Variants in NPFFR2 observed in about 807,000 individuals in gnomAD.
NPFFR2 encodes the protein G-protein coupled receptor 74.
Under a neutral mutation model 13.1 loss-of-function variants are expected in NPFFR2, and 15 were observed. The ratio of observed to expected loss-of-function variants is 1.15; its 90% CI spans 0.77 to 1.76. NPFFR2 has a LOEUF of 1.76. Ranked by LOEUF, NPFFR2 falls within the 40% of genes most tolerant of loss-of-function variation. NPFFR2 has a pLI of 0.00. For synonymous variants in NPFFR2, 190 were observed against 175.7 expected (o/e 1.08, Z -0.65); for missense variants, 572 against 503.5 (o/e 1.14, Z -1.30).
chr4:72,055,982 C>G (rs1719732754), intron 1 of NPFFR2, among the ~76,000 whole-genome samples: 1 of 151,910 alleles, frequency 6.6e-6, no homozygotes, highest in African/African-American at 2.4e-5. Context: ...AAATTCTCTC[C>G]GTGCCATAAA....
At chr4:72,132,368 ATCTACCACATTT>A (rs1280805293) in intron 2 of NPFFR2, among the ~76,000 whole-genome samples, 1 of 152,232 alleles carries the variant, frequency 6.6e-6, no homozygotes, top group Non-Finnish European at 1.5e-5. Flanking sequence ...CATGGTGTAT[ATCTACCACATTT>A]TCTTTATTCA....
intron 1 of NPFFR2, among the ~76,000 whole-genome samples, chr4:72,107,980 C>T (rs1460156333): frequency 2.0e-5 from 3 of 151,786 alleles, no homozygotes; most frequent in African/African-American, 7.3e-5. Context: ...TACCACCATG[C>T]CTTACTAACA....
chr4:72,100,052 A>G (rs1721196081), intron 1 of NPFFR2, among the ~76,000 whole-genome samples: 1 of 152,162 alleles, frequency 6.6e-6, no homozygotes, highest in African/African-American at 2.4e-5. Flanking sequence ...AAAAATTCTG[A>G]CTTCTAACTT....
At chr4:72,058,117 C>A (rs935927928) in intron 1 of NPFFR2, among the ~76,000 whole-genome samples, 2 of 151,874 alleles carry the variant, frequency 1.3e-5, no homozygotes, top group East Asian at 3.9e-4. Flanking sequence ...TGGGTAGAGA[C>A]AGCGTTTTAT....
At chr4:72,109,138 C>T (rs573780625) in intron 1 of NPFFR2, among the ~76,000 whole-genome samples, 1 of 152,044 alleles carries the variant, frequency 6.6e-6, no homozygotes, top group Non-Finnish European at 1.5e-5. Flanking sequence ...ACTAAGAACC[C>T]AATATTCCTT....
Position 72,147,297 on chromosome 4 carries a change from G to T in NPFFR2, c.748G>T (p.Ala250Ser). The T allele has an allele frequency of 6.2e-7, 1 of 1,614,136 alleles. No homozygotes were observed. Among genetic ancestry groups the T allele is most frequent in the Non-Finnish European group, 8.5e-7 (1 of 1,180,028 alleles). Residue 250 changes from alanine to serine, a missense_variant, in exon 4 of 4, where the codon GCA becomes TCA. By Grantham distance (99) the Ala-to-Ser change is moderately conservative. Transcript: ENST00000308744. ...GATTGGAATTTCACTCTTCAGGGCT[G>T]CAGTTCCTCACACAGGCAGGAAGAA... The part of the protein sequence containing the change: ...GRIGISLFRA[A>S]VPHTGRKNQE...
At chr4:72,072,678 T>C (rs910632025) in intron 1 of NPFFR2, among the ~76,000 whole-genome samples, 1 of 152,100 alleles carries the variant, frequency 6.6e-6, no homozygotes. Context: ...TGAAAACTTT[T>C]CAAATATAAT....
At chr4:72,042,889 G>A (rs1719265210) in intron 1 of NPFFR2, among the ~76,000 whole-genome samples, 2 of 152,204 alleles carry the variant, frequency 1.3e-5, no homozygotes, top group African/African-American at 4.8e-5. Context: ...TAAGTAACGA[G>A]GAGCAGAATT....
At chr4:72,123,974 G>T (rs1027046059) in intron 1 of NPFFR2, among the ~76,000 whole-genome samples, 1 of 152,172 alleles carries the variant, frequency 6.6e-6, no homozygotes, top group Admixed American at 6.5e-5. Context: ...AAGTCAAATT[G>T]TTCCTGTTTG....
In NPFFR2 at chr4:72,128,676, G is replaced by A; in HGVS notation, c.85G>A (p.Asp29Asn). The A allele has an allele frequency of 6.2e-7, 1 of 1,613,800 alleles. No individual in the cohort carries two copies. Among genetic ancestry groups the A allele is most frequent in the Non-Finnish European group, 8.5e-7 (1 of 1,179,702 alleles). The change falls in exon 2 of 4, where the codon GAT (aspartate) becomes AAT (asparagine). Residue 29 changes from aspartate (D) to asparagine (N), a missense_variant. Coordinates refer to ENST00000308744, the MANE Select transcript of NPFFR2 (RefSeq NM_004885.3). ...TGACACAAAGCATCATCTGTACTCA[G>A]ATATTAATATTACCTATGTGAACTA... ...VNDTKHHLYS[D>N]INITYVNYYL...
chr4:72,055,682 A>T lies in NPFFR2; in HGVS notation c.-8+23482A>T, dbSNP rs11938756. On this transcript the variant is annotated intron_variant, in intron 1 of 3. Coordinates refer to ENST00000308744, the MANE Select transcript of NPFFR2 (RefSeq NM_004885.3). The stretch of plus-strand genomic sequence containing the variant: ...CCAAACCCTAGGCCTCTTGAGCCAA[A>T]CAGCTAGCCAAGTTGTGAATGCAAA... Among the ~76,000 whole-genome samples, 8 of 151,730 alleles carry T rather than the reference A, an allele frequency of 5.3e-5. No individual in the cohort carries two copies. In the South Asian group the frequency reaches 1.0e-3, roughly 20 times the overall value.
intron 1 of NPFFR2, among the ~76,000 whole-genome samples, chr4:72,045,288 G>A (rs1376717339): frequency 2.0e-5 from 3 of 152,102 alleles, no homozygotes; most frequent in East Asian, 3.9e-4. Flanking sequence ...AGTTGTTTTT[G>A]AGAAATCTCC....
At chr4:72,103,411 C>T (rs375815542) in intron 1 of NPFFR2, among the ~76,000 whole-genome samples, 12 of 152,192 alleles carry the variant, frequency 7.9e-5, no homozygotes, top group East Asian at 1.9e-4. Flanking sequence ...TGTGATGACA[C>T]GGGAAGAAGG....
chr4:72,068,806 A>T, intron 1 of NPFFR2: 1 of 385,070 alleles, frequency 2.6e-6, no homozygotes, highest in Non-Finnish European at 4.7e-6. Flanking sequence ...AATAATGCTT[A>T]AGTTCTAGAA....
At chr4:72,046,909 G>GT (rs577476531) in intron 1 of NPFFR2, among the ~76,000 whole-genome samples, 300 of 152,300 alleles carry the variant, frequency 2.0e-3, no homozygotes, top group South Asian at 3.5e-3. Context: ...AGACACTGGG[G>GT]TAAAGTCCAT....
chr4:72,135,575 CCATGATACAACAGTAT>C (rs560531783), intron 2 of NPFFR2, among the ~76,000 whole-genome samples: 1 of 152,138 alleles, frequency 6.6e-6, no homozygotes, highest in Middle Eastern at 3.4e-3. Flanking sequence ...GTAGTTCCCA[CCATGATACAACAGTAT>C]CATGATACAA....
chr4:72,142,034 G>C (rs957142862), intron 3 of NPFFR2, among the ~76,000 whole-genome samples: 9 of 152,022 alleles, frequency 5.9e-5, no homozygotes, highest in Non-Finnish European at 1.0e-4. Context: ...TGTCTCTTTT[G>C]ATCTTTGTCA....
intron 1 of NPFFR2, among the ~76,000 whole-genome samples, chr4:72,062,304 C>G (rs1279363448): frequency 6.6e-6 from 1 of 152,000 alleles, no homozygotes; most frequent in Non-Finnish European, 1.5e-5. Context: ...TCTTTTTACT[C>G]TTCTTGGTAG....
chr4:72,078,031 G>A (rs1026234611), intron 1 of NPFFR2, among the ~76,000 whole-genome samples: 14 of 152,032 alleles, frequency 9.2e-5, no homozygotes, highest in Non-Finnish European at 1.5e-5. Flanking sequence ...AATAAAAAAT[G>A]AGTGCAATAT....
Sources: gnomAD v4.1 joint callset for allele counts (sites outside exome capture counted in the v4.1 genomes callset) on GRCh38, gnomAD v4.1.1 for gene constraint, MANE v1.5 for transcripts, NCBI Gene and HGNC (gene_info 2026-07-23, HGNC 2026-07-21) for gene names.